Variants in PPP2R5E observed in about 807,000 individuals in gnomAD.
PPP2R5E encodes the protein serine/threonine-protein phosphatase 2A 56 kDa regulatory subunit epsilon isoform.
A neutral mutation model predicts 65.3 loss-of-function variants in PPP2R5E; 4 were observed. The ratio of observed to expected loss-of-function variants is 0.06; its 90% CI spans 0.03 to 0.14. PPP2R5E has a LOEUF of 0.14. Among genes scored for constraint, PPP2R5E ranks in the 10% least tolerant of loss-of-function variants. The probability of loss-of-function intolerance (pLI) is 1.00; values close to 1 mark genes in which losing one functional copy is unlikely to be tolerated. For missense variants in PPP2R5E, 274 were observed against 556.1 expected (o/e 0.49, Z 5.10); for synonymous variants, 183 against 187.4 (o/e 0.98, Z 0.19).
At chr14:63,482,395 G>A (rs891539805) in intron 2 of PPP2R5E, among the ~76,000 whole-genome samples, 1 of 152,196 alleles carries the variant, frequency 6.6e-6, no homozygotes, top group Non-Finnish European at 1.5e-5. Flanking sequence ...GGAGGCAGAG[G>A]TTGCAGTGAG....
intron 6 of PPP2R5E, 96 bp from the exon 7 acceptor site, chr14:63,395,381 A>C: frequency 3.9e-6 from 2 of 507,608 alleles, no homozygotes; most frequent in South Asian, 4.0e-5. Flanking sequence ...GGGGAGGAGG[A>C]GGAGAAGAGG....
intron 2 of PPP2R5E, among the ~76,000 whole-genome samples, chr14:63,501,156 T>C (rs913165745): frequency 2.6e-5 from 4 of 152,024 alleles, no homozygotes; most frequent in African/African-American, 9.7e-5. Context: ...TCCCAGCACT[T>C]TGGGAGGCCG....
intron 7 of PPP2R5E, among the ~76,000 whole-genome samples, chr14:63,394,773 G>A (rs867497332): frequency 3.5e-4 from 53 of 152,294 alleles, no homozygotes; most frequent in Middle Eastern, 3.4e-3. Context: ...TTACACCACA[G>A]CTCTTTCCAA....
At chr14:63,530,590 T>A (rs1197064680) in intron 2 of PPP2R5E, among the ~76,000 whole-genome samples, 1 of 151,514 alleles carries the variant, frequency 6.6e-6, no homozygotes, top group African/African-American at 2.4e-5. Context: ...CTATCCTACT[T>A]TTAAGTGATG....
chr14:63,515,244 C>T (rs555716982), intron 2 of PPP2R5E, among the ~76,000 whole-genome samples: 4 of 152,300 alleles, frequency 2.6e-5, no homozygotes, highest in Middle Eastern at 6.8e-3. Flanking sequence ...TGAAGTCAAA[C>T]AGTATACACA....
intron 2 of PPP2R5E, among the ~76,000 whole-genome samples, chr14:63,524,763 G>A (rs1375852778): frequency 6.6e-6 from 1 of 152,154 alleles, no homozygotes; most frequent in Non-Finnish European, 1.5e-5. Flanking sequence ...GGAGCCCAGA[G>A]CCCACGGCCT....
intron 3 of PPP2R5E, among the ~76,000 whole-genome samples, chr14:63,448,530 C>T (rs898355825): frequency 2.4e-4 from 37 of 152,094 alleles, no homozygotes; most frequent in Admixed American, 2.6e-4. Flanking sequence ...GTGGCTCACG[C>T]CTGTAATCCC....
chr14:63,494,237 T>C (rs1335620550), intron 2 of PPP2R5E, among the ~76,000 whole-genome samples: 1 of 152,064 alleles, frequency 6.6e-6, no homozygotes, highest in Non-Finnish European at 1.5e-5. Flanking sequence ...GCCATTTATT[T>C]ATTTATTTAT....
rs1883852798 is a variant in PPP2R5E at position 63,374,226 on chromosome 14, G to A, written c.*1783C>T. On this transcript the variant is annotated 3_prime_UTR_variant, in exon 14 of 14. Coordinates refer to ENST00000337537, the MANE Select transcript of PPP2R5E (RefSeq NM_006246.5). ...CCTGAAAAACTTTATGGGGGAGAAA[G>A]GTCAGCAGCTTCTCTTTCTTTTTCT... The A allele has an allele frequency of 6.6e-6, 1 of 151,656 alleles. No homozygotes were observed. The highest frequency in any genetic ancestry group is 1.5e-5 in the Non-Finnish European group (1 of 67,974). 9.4% of individuals were successfully genotyped at this position (151,656 alleles called of 1,614,324 possible). A position where few individuals can be genotyped will look rare whatever the true frequency, so the allele number is the denominator to read the frequency against.
chr14:63,433,263 C>A (rs2139931104), intron 3 of PPP2R5E, among the ~76,000 whole-genome samples: 1 of 152,106 alleles, frequency 6.6e-6, no homozygotes, highest in East Asian at 1.9e-4. Flanking sequence ...ATCTCAAACT[C>A]CTGAGCACAG....
Position 63,435,937 on chromosome 14 carries a change from T to C in PPP2R5E, c.355-13843A>G, listed in dbSNP as rs926988415. ...GTAGCAGTGAGTCCAAAAGTGAACA[T>C]TGTTGATATTAAATCTTAGAATCCA... On this transcript the variant is annotated intron_variant, in intron 3 of 13. Coordinates refer to ENST00000337537, the MANE Select transcript of PPP2R5E (RefSeq NM_006246.5). Among the ~76,000 whole-genome samples the C allele has an allele frequency of 1.1e-4, 16 of 152,196 alleles. No individual in the cohort carries two copies. In the East Asian group the frequency reaches 1.2e-3, roughly 11 times the overall value.
intron 3 of PPP2R5E, among the ~76,000 whole-genome samples, chr14:63,442,731 G>A (rs1485689658): frequency 1.3e-5 from 2 of 152,028 alleles, no homozygotes; most frequent in Admixed American, 6.6e-5. Flanking sequence ...TATGTATAGG[G>A]GAAAACATAG....
chr14:63,455,535 A>G (rs1447889431), intron 2 of PPP2R5E, among the ~76,000 whole-genome samples: 1 of 152,194 alleles, frequency 6.6e-6, no homozygotes, highest in Non-Finnish European at 1.5e-5. Context: ...CAGTCATGAT[A>G]TAGGTCTTAT....
intron 1 of PPP2R5E, among the ~76,000 whole-genome samples, chr14:63,542,118 T>C (rs898093748): frequency 2.0e-5 from 3 of 152,120 alleles, no homozygotes; most frequent in African/African-American, 7.2e-5. Flanking sequence ...TTATCTCTCA[T>C]CTCTACAGAC....
At chr14:63,466,435 A>G (rs950435110) in intron 2 of PPP2R5E, among the ~76,000 whole-genome samples, 1 of 152,192 alleles carries the variant, frequency 6.6e-6, no homozygotes, top group Non-Finnish European at 1.5e-5. Flanking sequence ...CAAGAGTAAT[A>G]AAGAGTGTAA....
intron 5 of PPP2R5E, among the ~76,000 whole-genome samples, chr14:63,413,391 T>C (rs892654158): frequency 1.3e-5 from 2 of 152,210 alleles, no homozygotes; most frequent in African/African-American, 4.8e-5. Flanking sequence ...AGTCTTCAGA[T>C]GTGAGGGCTA....
intron 1 of PPP2R5E, among the ~76,000 whole-genome samples, chr14:63,540,363 G>A (rs1331701112): frequency 4.6e-5 from 7 of 150,786 alleles, no homozygotes; most frequent in East Asian, 3.9e-4. Context: ...CCTGGGAGGC[G>A]GAGGTTGCGG....
At chr14:63,447,397 A>G (rs949386369) in intron 3 of PPP2R5E, among the ~76,000 whole-genome samples, 4 of 152,188 alleles carry the variant, frequency 2.6e-5, no homozygotes, top group African/African-American at 9.7e-5. Flanking sequence ...AGAGATGGCT[A>G]TTTTCCTTAA....
chr14:63,451,080 G>A (rs1888800133), intron 3 of PPP2R5E, among the ~76,000 whole-genome samples: 1 of 151,996 alleles, frequency 6.6e-6, no homozygotes, highest in South Asian at 2.1e-4. Flanking sequence ...CACTACCCTG[G>A]AAGACAGTTT....
Sources: gnomAD v4.1 joint callset for allele counts (sites outside exome capture counted in the v4.1 genomes callset) on GRCh38, gnomAD v4.1.1 for gene constraint, MANE v1.5 for transcripts, NCBI Gene and HGNC (gene_info 2026-07-23, HGNC 2026-07-21) for gene names.